The following PITPNC1 variants were observed in gnomAD, a reference collection of about 807,000 sequenced individuals.
The protein encoded by PITPNC1 is phosphatidylinositol transfer protein cytoplasmic 1.
In PITPNC1, 18 loss-of-function variants were observed where a neutral mutation model predicts 44.7. That is an observed-to-expected ratio of 0.40 (90% CI 0.28 to 0.60). The LOEUF (loss-of-function observed/expected upper bound fraction) is 0.60, where lower values mean the gene tolerates loss of function less well. Among genes scored for constraint, PITPNC1 ranks in the 20% least tolerant of loss-of-function variants. The probability of loss-of-function intolerance (pLI) is 0.39; values close to 1 mark genes in which losing one functional copy is unlikely to be tolerated. For synonymous variants in PITPNC1, 141 were observed against 149.6 expected, an observed-to-expected ratio of 0.94 and a Z score of 0.42; for missense variants, 290 against 418.4, an observed-to-expected ratio of 0.69 and a Z score of 2.68.
intron 2 of PITPNC1, among the ~76,000 whole-genome samples, chr17:67,541,108 G>C (rs139221777): frequency 6.6e-6 from 1 of 152,154 alleles, no homozygotes; most frequent in Non-Finnish European, 1.5e-5. Flanking sequence ...CCAGCTACTC[G>C]GGAGGCTGAG....
At chr17:67,566,416 C>A (rs1409874907) in intron 4 of PITPNC1, among the ~76,000 whole-genome samples, 1 of 152,166 alleles carries the variant, frequency 6.6e-6, no homozygotes, top group East Asian at 1.9e-4. Context: ...GTTGGCCAGG[C>A]TGGTCACAAA....
In PITPNC1 at chr17:67,575,850, CTTT is replaced by C. The variant is rs770748587; in HGVS notation, c.295-2335_295-2333del. 9.7e-3 allele frequency among the ~76,000 whole-genome samples: 865 copies of C among 89,636 alleles called. 17 individuals are homozygous for C. The highest frequency in any genetic ancestry group is 0.056 in the Middle Eastern group (8 of 144). The allele number at this position is 89,636 out of a possible 152,430, so 58.8% of individuals were successfully genotyped here. ...TCCTTCCTTCCTTCCTTCTTTCTTT[CTTT>C]CTTTCCTTCCTTCTTTCTTTCTTTC... On this transcript the variant is annotated intron_variant, in intron 4 of 8. Coordinates refer to ENST00000581322, the MANE Select transcript of PITPNC1 (RefSeq NM_012417.4).
intron 6 of PITPNC1, among the ~76,000 whole-genome samples, chr17:67,643,554 T>C (rs1339924277): frequency 2.0e-5 from 3 of 152,348 alleles, no homozygotes; most frequent in African/African-American, 4.8e-5. Flanking sequence ...CTAGAACCTA[T>C]GAATTGGGAT....
At chr17:67,456,434 A>T (rs1467035550) in intron 1 of PITPNC1, among the ~76,000 whole-genome samples, 2 of 152,098 alleles carry the variant, frequency 1.3e-5, no homozygotes, top group Admixed American at 6.6e-5. Context: ...GCAATTGTTG[A>T]TGTTTTTTGA....
intron 2 of PITPNC1, among the ~76,000 whole-genome samples, chr17:67,540,135 G>C (rs1470554621): frequency 6.6e-6 from 1 of 151,238 alleles, no homozygotes; most frequent in African/African-American, 2.4e-5. Context: ...ATGGAGTCTT[G>C]CTCTGTCACC....
intron 1 of PITPNC1, among the ~76,000 whole-genome samples, chr17:67,447,007 T>C (rs1490499267): frequency 3.5e-5 from 5 of 143,192 alleles, no homozygotes; most frequent in Non-Finnish European, 6.0e-5. Flanking sequence ...GGAGAATCGC[T>C]TGAACCCAGG....
chr17:67,492,802 T>G (rs912845886), intron 1 of PITPNC1, among the ~76,000 whole-genome samples: 1 of 152,156 alleles, frequency 6.6e-6, no homozygotes, highest in African/African-American at 2.4e-5. Context: ...CCTCCACGCT[T>G]TGTGAGATGT....
chr17:67,635,866 G>A (rs1185495675), intron 6 of PITPNC1, among the ~76,000 whole-genome samples: 1 of 152,208 alleles, frequency 6.6e-6, no homozygotes. Flanking sequence ...GGTGATTATT[G>A]CCTCACGAGG....
In PITPNC1 at chr17:67,523,807, G is replaced by A. The variant is rs7223615; in HGVS notation, c.49-8995G>A. Among the ~76,000 whole-genome samples, 32 of 125,880 alleles carry A rather than the reference G, an allele frequency of 2.5e-4. 1 individual carries two copies. The highest frequency in any genetic ancestry group is 9.1e-4 in the African/African-American group (30 of 33,126). The allele number at this position is 125,880 out of a possible 152,430, so 82.6% of individuals were successfully genotyped here. ...ACCAGCTCAGAAATACATGGAAACC[G>A]TTTTTTTTTTTTTTTTTTTTTTTAA... On this transcript the variant is annotated intron_variant, in intron 1 of 8. Coordinates refer to ENST00000581322, the MANE Select transcript of PITPNC1 (RefSeq NM_012417.4).
chr17:67,565,385 A>G (rs1056220129), intron 4 of PITPNC1, among the ~76,000 whole-genome samples: 1 of 147,854 alleles, frequency 6.8e-6, no homozygotes, highest in Non-Finnish European at 1.5e-5. Flanking sequence ...TGTGTATACT[A>G]GTTTTCCATG....
intron 6 of PITPNC1, among the ~76,000 whole-genome samples, chr17:67,668,644 A>G (rs1459885707): frequency 6.6e-6 from 1 of 152,150 alleles, no homozygotes; most frequent in African/African-American, 2.4e-5. Context: ...CGGGCAGATC[A>G]CGAGGTCAGG....
rs2144486891 is a variant in PITPNC1 at position 67,693,175 on chromosome 17, T to G, written c.*287T>G. The G allele has an allele frequency of 3.1e-6, 1 of 320,462 alleles. No homozygotes were observed. Among genetic ancestry groups the G allele is most frequent in the East Asian group, 5.6e-5 (1 of 17,776 alleles). The allele number at this position is 320,462 out of a possible 1,614,324, so 19.9% of individuals were successfully genotyped here. On this transcript the variant is annotated 3_prime_UTR_variant, in exon 9 of 9. Transcript: ENST00000581322. The stretch of plus-strand genomic sequence containing the variant: ...CCTTGTTATTGGGCATTTGATGAGG[T>G]TTGGCATGGACTTCAAGGATAAATG...
At chr17:67,587,073 C>T (rs1024385488) in intron 5 of PITPNC1, among the ~76,000 whole-genome samples, 5 of 152,150 alleles carry the variant, frequency 3.3e-5, no homozygotes, top group African/African-American at 1.2e-4. Context: ...GTGGTGGTGC[C>T]ATTGCCATCA....
intron 1 of PITPNC1, among the ~76,000 whole-genome samples, chr17:67,476,348 G>A (rs375249901): frequency 6.6e-6 from 1 of 151,972 alleles, no homozygotes; most frequent in Non-Finnish European, 1.5e-5. Flanking sequence ...CACCATGCCC[G>A]GCTAATTTTT....
chr17:67,495,892 A>G (rs1269744046), intron 1 of PITPNC1, among the ~76,000 whole-genome samples: 1 of 152,218 alleles, frequency 6.6e-6, no homozygotes, highest in African/African-American at 2.4e-5. Flanking sequence ...ACATGAATAG[A>G]GAGGGTTTTG....
At chr17:67,537,298 T>C (rs549476490) in intron 2 of PITPNC1, among the ~76,000 whole-genome samples, 2 of 152,340 alleles carry the variant, frequency 1.3e-5, no homozygotes, top group South Asian at 4.1e-4. Context: ...AATATGATTG[T>C]CTGATAGAAA....
At chr17:67,568,606 A>G (rs972475167) in intron 4 of PITPNC1, among the ~76,000 whole-genome samples, 1 of 151,978 alleles carries the variant, frequency 6.6e-6, no homozygotes, top group African/African-American at 2.4e-5. Flanking sequence ...AGCTCACTGC[A>G]GCCTCAAACT....
chr17:67,402,113 T>C (rs549035079), intron 1 of PITPNC1, among the ~76,000 whole-genome samples: 2 of 152,328 alleles, frequency 1.3e-5, no homozygotes, highest in South Asian at 4.1e-4. Context: ...ACTACTCAAC[T>C]CTGACCTCGT....
At chr17:67,486,589 G>T (rs1374354782) in intron 1 of PITPNC1, among the ~76,000 whole-genome samples, 1 of 152,170 alleles carries the variant, frequency 6.6e-6, no homozygotes, top group Non-Finnish European at 1.5e-5. Context: ...CACAAAGCAT[G>T]AGTGATAGTT....
Sources: allele counts gnomAD v4.1 joint callset (sites outside exome capture counted in the v4.1 genomes callset), GRCh38; gene constraint gnomAD v4.1.1; transcripts MANE v1.5; gene names NCBI Gene and HGNC (gene_info 2026-07-23, HGNC 2026-07-21).